BUD13: variants seen among roughly 807,000 people sequenced by gnomAD.
The protein encoded by BUD13 is BUD13 spliceosome associated protein, also known as BUD13 homolog.
In BUD13, 47 loss-of-function variants were observed where a neutral mutation model predicts 62.5. That is an observed-to-expected ratio of 0.75 (90% confidence interval 0.60 to 0.96). BUD13 has a LOEUF of 0.96. Among genes scored for constraint, BUD13 ranks in the 40% least tolerant of loss-of-function variants. BUD13 has a pLI of 0.00. For synonymous variants in BUD13, 293 were observed against 280.1 expected (o/e 1.05, Z -0.46); for missense variants, 821 against 790.9 (o/e 1.04, Z -0.46).
chr11:116,762,775 G>A lies in BUD13; in HGVS notation c.814C>T (p.Pro272Ser), dbSNP rs762913560. 8 of 1,614,172 alleles carry A rather than the reference G, an allele frequency of 5.0e-6. No homozygotes were observed. The highest frequency in any genetic ancestry group is 2.2e-5 in the South Asian group (2 of 91,074). Reference protein sequence around the residue: ...QQLRRARHDSPDLAPNVTYSL... With the variant: ...QQLRRARHDSSDLAPNVTYSL... ...TAAGTGACATTAGGAGCCAAATCAGGGGAGTCATGACGGGCCCTTCTGAGT... is the reference window on the plus strand; with the variant it reads ...TAAGTGACATTAGGAGCCAAATCAGAGGAGTCATGACGGGCCCTTCTGAGT... Residue 272 changes from proline to serine, a missense_variant, in exon 4 of 10, where the codon CCT (proline) becomes TCT (serine). By Grantham distance (74) the Pro-to-Ser change is moderately conservative. Around this residue, in one of 2 missense-constraint regions of BUD13, gnomAD observed 800 missense variants for 739.2 expected, o/e 1.08. Transcript: ENST00000260210.
chr11:116,771,583 C>A (rs1940629535), intron 1 of BUD13, among the ~76,000 whole-genome samples: 1 of 152,132 alleles, frequency 6.6e-6, no homozygotes, highest in Admixed American at 6.5e-5. Context: ...AGATGAAACA[C>A]CTTGCCCAAG....
chr11:116,757,445 A>G (rs1015503550), intron 8 of BUD13, among the ~76,000 whole-genome samples: 9 of 148,484 alleles, frequency 6.1e-5, no homozygotes, highest in African/African-American at 2.2e-4. Context: ...ACAGGCGTGC[A>G]CCACCATGAC....
intron 9 of BUD13, among the ~76,000 whole-genome samples, chr11:116,753,121 G>C (rs1336964499): frequency 1.3e-5 from 2 of 152,316 alleles, no homozygotes; most frequent in Non-Finnish European, 2.9e-5. Context: ...AAGTAAGTAT[G>C]AACTGGATGA....
Position 116,757,218 on chromosome 11 carries a change from CGA to C in BUD13, c.1692_1693del (p.Arg565LeufsTer12). 6.2e-7 allele frequency: 1 copy of C among 1,613,884 alleles called. No homozygotes were observed. Among genetic ancestry groups the C allele is most frequent in the Non-Finnish European group, 8.5e-7 (1 of 1,179,870 alleles). ...GGGAGGAGGTGCTGGACCACTGTAG[CGA>C]GGTCTCACTAATGAGAGGAGTAAGA... On this transcript the variant is annotated frameshift_variant, in exon 9 of 10. Coordinates refer to ENST00000260210, the MANE Select transcript of BUD13 (RefSeq NM_032725.4). LOFTEE classifies it high-confidence loss of function.
rs1024390614 is a variant in BUD13 at position 116,758,171 on chromosome 11, C to T, written c.1499+98G>A. ...CCAAATTTCCCATTACTGATAACAG[C>T]TCTGAAGGCATAATAAGAAAGTGAG... On this transcript the variant is annotated intron_variant, in intron 7 of 9. Coordinates refer to ENST00000260210, the MANE Select transcript of BUD13 (RefSeq NM_032725.4). The T allele has an allele frequency of 1.0e-5, 16 of 1,539,568 alleles. No individual in the cohort carries two copies. The Admixed American group carries it at 1.3e-4, about 13-fold the overall frequency.
intron 2 of BUD13, 123 bp from the exon 3 acceptor site, chr11:116,765,569 T>C (rs1288344086): frequency 1.0e-6 from 1 of 961,798 alleles, no homozygotes; most frequent in Middle Eastern, 2.1e-4. Context: ...ATATCCAAAA[T>C]GGTCATGAAG....
chr11:116,759,964 A>G (rs1427406681), intron 5 of BUD13, among the ~76,000 whole-genome samples: 4 of 152,318 alleles, frequency 2.6e-5, no homozygotes, highest in South Asian at 2.1e-4. Flanking sequence ...ACCACTTACA[A>G]ATAAGATTCC....
intron 9 of BUD13, among the ~76,000 whole-genome samples, chr11:116,754,933 A>G (rs1444110433): frequency 1.3e-5 from 2 of 152,256 alleles, no homozygotes; most frequent in Non-Finnish European, 2.9e-5. Context: ...TCTCTACAGT[A>G]TATCATTCAT....
intron 9 of BUD13, among the ~76,000 whole-genome samples, chr11:116,752,191 C>T (rs1940249203): frequency 6.6e-6 from 1 of 152,074 alleles, no homozygotes; most frequent in Non-Finnish European, 1.5e-5. Context: ...CGTGATCTGC[C>T]CGCCTCGGCC....
chr11:116,760,260 A>G (rs1591298664), intron 5 of BUD13, among the ~76,000 whole-genome samples: 1 of 152,344 alleles, frequency 6.6e-6, no homozygotes, highest in East Asian at 1.9e-4. Flanking sequence ...TTATCATAAC[A>G]ACCTTACACA....
chr11:116,758,536 C>A, intron 6 of BUD13, 129 bp from the exon 7 acceptor site: 2 of 964,564 alleles, frequency 2.1e-6, no homozygotes, highest in Non-Finnish European at 3.0e-6. Flanking sequence ...TAGTTCCTAC[C>A]AACATCTTGG....
At position 116,763,033 on chromosome 11, in the gene BUD13, C is replaced by T. The variant is rs200949753; in HGVS notation, c.556G>A (p.Asp186Asn). 6.2e-7 allele frequency: 1 copy of T among 1,612,222 alleles called. No individual in the cohort carries two copies. The highest frequency in any genetic ancestry group is 8.5e-7 in the Non-Finnish European group (1 of 1,179,438). ...PPRRIRHDSSDTSPPRRARHD... is the reference protein window; with the variant it reads ...PPRRIRHDSSNTSPPRRARHD... ...CGGGCCCTCCTTGGGGGTGAAGTGT[C>T]TGAGGAGTCATGACGGATCCTCCTG... The change falls in exon 4 of 10, where the codon GAC (aspartate) becomes AAC (asparagine). Residue 186 changes from aspartate to asparagine, a missense_variant. By Grantham distance (23) the Asp-to-Asn change is conservative (BLOSUM62 1). Coordinates refer to ENST00000260210, the MANE Select transcript of BUD13 (RefSeq NM_032725.4).
rs58272444 is a variant in BUD13, at chr11:116,771,989, T to C, written c.143+833A>G. 2.7e-4 allele frequency among the ~76,000 whole-genome samples: 41 copies of C among 152,364 alleles called. No homozygotes were observed. In the East Asian group the frequency reaches 7.5e-3, roughly 28 times the overall value. On this transcript the variant is annotated intron_variant, in intron 1 of 9. Transcript: ENST00000260210. ...GCTTCTGGTAGCCCCAAGCATACCTTGGCTTTTGGCAACATAAATCCAATC... is the reference window on the plus strand; with the variant it reads ...GCTTCTGGTAGCCCCAAGCATACCTCGGCTTTTGGCAACATAAATCCAATC...
At chr11:116,750,703 C>G (rs1400191449) in intron 9 of BUD13, among the ~76,000 whole-genome samples, 1 of 152,170 alleles carries the variant, frequency 6.6e-6, no homozygotes, top group Non-Finnish European at 1.5e-5. Flanking sequence ...AATCTTGTAC[C>G]TTTCAAATCC....
chr11:116,761,677 A>G (rs777943358), intron 4 of BUD13, among the ~76,000 whole-genome samples: 1 of 152,242 alleles, frequency 6.6e-6, no homozygotes, highest in Non-Finnish European at 1.5e-5. Flanking sequence ...ATATAGTCTG[A>G]TATCCTTGGA....
At chr11:116,756,585 G>A (rs1004504387) in intron 9 of BUD13, among the ~76,000 whole-genome samples, 3 of 152,118 alleles carry the variant, frequency 2.0e-5, no homozygotes, top group African/African-American at 7.2e-5. Flanking sequence ...CTAAAACAAT[G>A]TCCTTTAGTA....
Position 116,757,768 on chromosome 11 carries a change from T to C in BUD13, c.1682A>G (p.Lys561Arg). Residue 561 changes from lysine to arginine, a missense_variant and splice_region_variant, in exon 8 of 10, where the codon AAA becomes AGA. Physicochemically the swap from Lys to Arg is conservative, Grantham distance 26 (BLOSUM62 2). Around this residue, in one of 2 missense-constraint regions of BUD13, gnomAD observed 800 missense variants for 739.2 expected, o/e 1.08. Transcript: ENST00000260210. The stretch of plus-strand genomic sequence containing the variant: ...CTGATGATTCCCAGAAGTCCCACCT[T>C]TTTTATTCTTGTTCTCCTTGGCCTT... The part of the protein sequence containing the change: ...KNKAKENKNK[K>R]VRPRYSGPAP... 1 of 1,606,416 alleles carries C rather than the reference T, an allele frequency of 6.2e-7. No homozygotes were observed. Among genetic ancestry groups the C allele is most frequent in the Non-Finnish European group, 8.5e-7 (1 of 1,177,950 alleles).
At chr11:116,768,683 C>T (rs1940572795) in intron 2 of BUD13, among the ~76,000 whole-genome samples, 1 of 152,062 alleles carries the variant, frequency 6.6e-6, no homozygotes, top group Non-Finnish European at 1.5e-5. Flanking sequence ...CTAGCAAGCC[C>T]TCTTTTAAAT....
intron 8 of BUD13, 103 bp downstream of exon 8, chr11:116,757,663 T>G: frequency 7.5e-7 from 1 of 1,337,692 alleles, no homozygotes; most frequent in Non-Finnish European, 1.0e-6. Context: ...ACAATGAATT[T>G]AAATTATTTG....
Sources: allele counts gnomAD v4.1 joint callset (sites outside exome capture counted in the v4.1 genomes callset), GRCh38; gene constraint gnomAD v4.1.1; regional missense constraint gnomAD v4.1.1; transcripts MANE v1.5; gene names NCBI Gene and HGNC (gene_info 2026-07-23, HGNC 2026-07-21).